The following OR51D1 variants were observed in gnomAD, a reference collection of about 807,000 sequenced individuals.
OR51D1 encodes olfactory receptor family 51 subfamily D member 1.
For missense variants in OR51D1, 452 were observed against 396.2 expected, an observed-to-expected ratio of 1.14 and a Z score of -1.20; for synonymous variants, 187 against 161.1, an observed-to-expected ratio of 1.16 and a Z score of -1.22.
In OR51D1 at chr11:4,640,823, A is replaced by G; in HGVS notation, c.*58A>G. ...CAGAAGATGGGAATATTAGGATCCT[A>G]TTGAATGCCTTGGTGATTAAAGTAT... On this transcript the variant is annotated 3_prime_UTR_variant, in exon 2 of 2. Coordinates refer to ENST00000641817, the MANE Select transcript of OR51D1 (RefSeq NM_001004751.3). The G allele has an allele frequency of 6.8e-7, 1 of 1,477,562 alleles. No individual in the cohort carries two copies. The highest frequency in any genetic ancestry group is 9.2e-7 in the Non-Finnish European group (1 of 1,090,782). The allele number at this position is 1,477,562 out of a possible 1,614,324, so 91.5% of individuals were successfully genotyped here.
At position 4,642,075 on chromosome 11, in the gene OR51D1, T is replaced by A. The variant is rs1237360038; in HGVS notation, c.*1310T>A. On this transcript the variant is annotated 3_prime_UTR_variant, in exon 2 of 2. Transcript: ENST00000641817. ...AGCAGAAATAATTTCCAAAGTTGAG[T>A]GACATGACTCTAAGATGCCCAGTTT... 2.0e-5 allele frequency: 3 copies of A among 152,178 alleles called. No individual in the cohort carries two copies. The highest frequency in any genetic ancestry group is 4.4e-5 in the Non-Finnish European group (3 of 68,014). The allele number at this position is 152,178 out of a possible 1,614,324, so 9.4% of individuals were successfully genotyped here.
chr11:4,637,914 T>A (rs1846917747), intron 1 of OR51D1, among the ~76,000 whole-genome samples, 161 bp downstream of exon 1: 1 of 152,142 alleles, frequency 6.6e-6, no homozygotes, highest in Admixed American at 6.5e-5. Context: ...TGAAGGGCCT[T>A]GTCTGCATAC....
Position 4,640,885 on chromosome 11 carries a change from T to C in OR51D1, c.*120T>C. 2 of 889,544 alleles carry C rather than the reference T, an allele frequency of 2.2e-6. No homozygotes were observed. Among genetic ancestry groups the C allele is most frequent in the Non-Finnish European group, 3.4e-6 (2 of 589,044 alleles). 55.1% of individuals were successfully genotyped at this position (889,544 alleles called of 1,614,324 possible). On this transcript the variant is annotated 3_prime_UTR_variant, in exon 2 of 2. Coordinates refer to ENST00000641817, the MANE Select transcript of OR51D1 (RefSeq NM_001004751.3). Reference sequence around the variant, plus strand: ...TGCTGTCTTCTTCCAGCAATTTAAGTAGATCATGTATTCTGTCTCCAGGAA... The same window carrying C: ...TGCTGTCTTCTTCCAGCAATTTAAGCAGATCATGTATTCTGTCTCCAGGAA...
Position 4,640,438 on chromosome 11 carries a change from C to T in OR51D1, c.648C>T (p.Ile216=). The change falls in exon 2 of 2, where the codon ATC becomes ATT. Residue 216 remains isoleucine, a synonymous_variant. Coordinates refer to ENST00000641817, the MANE Select transcript of OR51D1 (RefSeq NM_001004751.3). ...RVNVVYGLFI[I]LSVMGVDSLF... ...ATGTGGTTTATGGACTCTTCATCAT[C>T]CTCTCAGTCATGGGTGTGGACTCTC... is the stretch of plus-strand genomic sequence containing the variant. 6.2e-7 allele frequency: 1 copy of T among 1,614,148 alleles called. No homozygotes were observed. Among genetic ancestry groups the T allele is most frequent in the Admixed American group, 1.7e-5 (1 of 60,030 alleles).
Position 4,638,113 on chromosome 11 carries a change from T to A in OR51D1, c.-15+360T>A, listed in dbSNP as rs117517955. Among the ~76,000 whole-genome samples the A allele has an allele frequency of 9.9e-3, 1,502 of 152,250 alleles. 8 individuals are homozygous for A. The highest frequency in any genetic ancestry group is 0.015 in the Non-Finnish European group (1,050 of 68,030). On this transcript the variant is annotated intron_variant, in intron 1 of 1. Transcript: ENST00000641817. ...CTTTTTATAATCAGGGCAGAGTGGA[T>A]AATATAATTAAGTTGGGAGGAGGTG...
At chr11:4,638,646 C>T (rs776323480) in intron 1 of OR51D1, among the ~76,000 whole-genome samples, 10 of 152,158 alleles carry the variant, frequency 6.6e-5, no homozygotes, top group Non-Finnish European at 1.5e-4. Context: ...GCTTATTGTT[C>T]GTTTGGGAGC....
chr11:4,638,857 A>AT (rs1211234946), intron 1 of OR51D1, among the ~76,000 whole-genome samples: 1 of 151,912 alleles, frequency 6.6e-6, no homozygotes, highest in Non-Finnish European at 1.5e-5. Context: ...AGTGGGGGTG[A>AT]TCTCGTCTCA....
Position 4,640,842 on chromosome 11 carries a change from A to G in OR51D1, c.*77A>G. The G allele has an allele frequency of 2.2e-6, 3 of 1,359,850 alleles. No homozygotes were observed. The South Asian group carries it at 4.1e-5, about 19-fold the overall frequency. 84.2% of individuals were successfully genotyped at this position (1,359,850 alleles called of 1,614,324 possible). A position where few individuals can be genotyped will look rare whatever the true frequency, so the allele number is the denominator to read the frequency against. Reference sequence around the variant, plus strand: ...GATCCTATTGAATGCCTTGGTGATTAAAGTATCAAACCTATTGTGCTGTCT... The same window carrying G: ...GATCCTATTGAATGCCTTGGTGATTGAAGTATCAAACCTATTGTGCTGTCT... On this transcript the variant is annotated 3_prime_UTR_variant, in exon 2 of 2. Coordinates refer to ENST00000641817, the MANE Select transcript of OR51D1 (RefSeq NM_001004751.3).
chr11:4,639,004 G>C (rs11033129), intron 1 of OR51D1, among the ~76,000 whole-genome samples: 1 of 151,940 alleles, frequency 6.6e-6, no homozygotes, highest in African/African-American at 2.4e-5. Context: ...TGTTGGCCTG[G>C]CTGGTCTCGA....
At chr11:4,638,979 G>A (rs942330062) in intron 1 of OR51D1, among the ~76,000 whole-genome samples, 2 of 152,096 alleles carry the variant, frequency 1.3e-5, no homozygotes, top group Non-Finnish European at 2.9e-5. Context: ...TTTTAATAGA[G>A]GCAGGGTTTC....
rs538509770 is a variant in OR51D1, at chr11:4,641,271, A to G, written c.*506A>G. 1.3e-5 allele frequency: 2 copies of G among 159,130 alleles called. No individual in the cohort carries two copies. The highest frequency in any genetic ancestry group is 3.8e-4 in the South Asian group (2 of 5,292). 9.9% of individuals were successfully genotyped at this position (159,130 alleles called of 1,614,324 possible). On this transcript the variant is annotated 3_prime_UTR_variant, in exon 2 of 2. Transcript: ENST00000641817. ...TCACATGCAATGTTGAAGTTTCTGTATGCAAGAGGGTGTGTTGGCAGATTT... is the reference window on the plus strand; with the variant it reads ...TCACATGCAATGTTGAAGTTTCTGTGTGCAAGAGGGTGTGTTGGCAGATTT...
chr11:4,640,350 T>C lies in OR51D1; in HGVS notation c.560T>C (p.Val187Ala). Residue 187 changes from valine (V) to alanine (A), a missense_variant, in exon 2 of 2, where the codon GTC becomes GCC. Physicochemically the swap from Val to Ala is moderately conservative, Grantham distance 64. Transcript: ENST00000641817. Reference protein sequence around the residue: ...KWLSYCQTHTVTHSFCLHQDI... With the variant: ...KWLSYCQTHTATHSFCLHQDI... ...TTGTCCTACTGCCAAACACATACTG[T>C]CACACACTCCTTCTGTCTGCACCAA... The C allele has an allele frequency of 1.9e-6, 3 of 1,614,226 alleles. No homozygotes were observed. The highest frequency in any genetic ancestry group is 2.5e-6 in the Non-Finnish European group (3 of 1,180,026).
chr11:4,638,298 C>T (rs1846921861), intron 1 of OR51D1, among the ~76,000 whole-genome samples: 1 of 151,998 alleles, frequency 6.6e-6, no homozygotes, highest in Non-Finnish European at 1.5e-5. Flanking sequence ...GGAAGGGGTC[C>T]CTGTTAGAGG....
Position 4,639,848 on chromosome 11 carries a change from C to T in OR51D1, c.58C>T (p.His20Tyr), listed in dbSNP as rs776339281. The T allele has an allele frequency of 6.2e-7, 1 of 1,614,160 alleles. No homozygotes were observed. The highest frequency in any genetic ancestry group is 8.5e-7 in the Non-Finnish European group (1 of 1,180,004). ...IIATSNGNLV[H>Y]AAYFLLVGIP... ...AGCCACTTCAAATGGAAATCTGGTC[C>T]ACGCAGCATACTTCCTTTTGGTGGG... is the stretch of plus-strand genomic sequence containing the variant. The change falls in exon 2 of 2, where the codon CAC becomes TAC. Residue 20 changes from histidine (H) to tyrosine (Y), a missense_variant. Physicochemically the swap from His to Tyr is moderately conservative, Grantham distance 83 (BLOSUM62 2). Transcript: ENST00000641817.
chr11:4,640,743 T>G lies in OR51D1; in HGVS notation c.953T>G (p.Met318Arg). Residue 318 changes from methionine (M) to arginine (R), a missense_variant, in exon 2 of 2, where the codon ATG becomes AGG. Coordinates refer to ENST00000641817, the MANE Select transcript of OR51D1 (RefSeq NM_001004751.3). ...TKEICSRVLC[M>R]FSQGGK ...GAGATCTGTTCAAGGGTCCTCTGTA[T>G]GTTCTCACAAGGTGGCAAGTGAGAC... 1 of 1,611,824 alleles carries G rather than the reference T, an allele frequency of 6.2e-7. No individual in the cohort carries two copies. The highest frequency in any genetic ancestry group is 1.7e-5 in the Admixed American group (1 of 59,784).
rs905871 is a variant in OR51D1 at position 4,640,055 on chromosome 11, A to T, written c.265A>T (p.Ile89Phe). Residue 89 changes from isoleucine to phenylalanine, a missense_variant, in exon 2 of 2, where the codon ATC becomes TTC. Ile to Phe is a conservative substitution (Grantham distance 21, BLOSUM62 0). Coordinates refer to ENST00000641817, the MANE Select transcript of OR51D1 (RefSeq NM_001004751.3). ...LSTIDLVLSS[I>F]TMPKMASLFL... ...CACTATTGACCTAGTCCTCTCCTCTATCACCATGCCCAAGATGGCCAGTCT... is the reference window on the plus strand; with the variant it reads ...CACTATTGACCTAGTCCTCTCCTCTTTCACCATGCCCAAGATGGCCAGTCT... 1.9e-6 allele frequency: 3 copies of T among 1,614,006 alleles called. No homozygotes were observed. Among genetic ancestry groups the T allele is most frequent in the Non-Finnish European group, 8.5e-7 (1 of 1,179,952 alleles).
intron 1 of OR51D1, among the ~76,000 whole-genome samples, chr11:4,638,500 G>A (rs1480333887): frequency 6.6e-6 from 1 of 152,158 alleles, no homozygotes; most frequent in African/African-American, 2.4e-5. Context: ...GAACACTGTG[G>A]AGTAACAGCA....
Position 4,640,175 on chromosome 11 carries a change from C to T in OR51D1, c.385C>T (p.Leu129=). 1 of 1,614,246 alleles carries T rather than the reference C, an allele frequency of 6.2e-7. No homozygotes were observed. Among genetic ancestry groups the T allele is most frequent in the East Asian group, 2.2e-5 (1 of 44,888 alleles). Residue 129 remains leucine (L), a synonymous_variant, in exon 2 of 2, where the codon CTG becomes TTG. Coordinates refer to ENST00000641817, the MANE Select transcript of OR51D1 (RefSeq NM_001004751.3). ...GTCAGCCGTGGAGTCAGCTGTCCTG[C>T]TGGCCATGGCTTTTGACCGCTTTGT... ...ALSAVESAVL[L]AMAFDRFVAI...
chr11:4,643,022 T>G lies in OR51D1; in HGVS notation c.*2257T>G, dbSNP rs1026844360. The G allele has an allele frequency of 6.6e-6, 1 of 152,234 alleles. No individual in the cohort carries two copies. Among genetic ancestry groups the G allele is most frequent in the African/African-American group, 2.4e-5 (1 of 41,452 alleles). The allele number at this position is 152,234 out of a possible 1,614,324, so 9.4% of individuals were successfully genotyped here. ...TGTGTTCTGAATTTAAAACTCACAG[T>G]TGTGAAACTGATCAGTAAAAAATAA... is the stretch of plus-strand genomic sequence containing the variant. On this transcript the variant is annotated 3_prime_UTR_variant, in exon 2 of 2. Coordinates refer to ENST00000641817, the MANE Select transcript of OR51D1 (RefSeq NM_001004751.3).
Sources: allele counts gnomAD v4.1 joint callset (sites outside exome capture counted in the v4.1 genomes callset), GRCh38; gene constraint gnomAD v4.1.1; transcripts MANE v1.5; gene names NCBI Gene and HGNC (gene_info 2026-07-23, HGNC 2026-07-21).